Variants in NIBAN2 observed in about 807,000 individuals in gnomAD.
The protein encoded by NIBAN2 is protein Niban 2.
A neutral mutation model predicts 81.8 loss-of-function variants in NIBAN2; 36 were observed. The observed-to-expected ratio is 0.44, with a 90% CI of 0.34 to 0.58. The LOEUF (loss-of-function observed/expected upper bound fraction) is 0.58. Among genes scored for constraint, NIBAN2 ranks in the 20% least tolerant of loss-of-function variants. The probability of loss-of-function intolerance (pLI) is 0.02; values close to 1 mark genes in which losing one functional copy is unlikely to be tolerated. For synonymous variants in NIBAN2, 445 were observed against 441.6 expected (o/e 1.01, Z -0.10); for missense variants, 897 against 1,014.1 (o/e 0.88, Z 1.57).
intron 1 of NIBAN2, among the ~76,000 whole-genome samples, chr9:127,539,137 A>G (rs534511122): frequency 2.9e-4 from 44 of 152,184 alleles, no homozygotes; most frequent in African/African-American, 1.0e-3. Context: ...AATTTGGGTC[A>G]GTCAAAAAAA....
At chr9:127,556,301 G>T (rs1028128828) in intron 1 of NIBAN2, among the ~76,000 whole-genome samples, 1 of 151,946 alleles carries the variant, frequency 6.6e-6, no homozygotes, top group African/African-American at 2.4e-5. Flanking sequence ...ACAAGGGCAG[G>T]GGGTACGTCA....
intron 2 of NIBAN2, among the ~76,000 whole-genome samples, chr9:127,527,672 G>A (rs2298181): frequency 0.12 from 18,363 of 152,228 alleles, 1,557 homozygotes; most frequent in Admixed American, 0.28. Context: ...AAGGGTCTGG[G>A]GAGATGGTTG....
chr9:127,564,861 T>A (rs1400267269), intron 1 of NIBAN2, among the ~76,000 whole-genome samples: 1 of 132,330 alleles, frequency 7.6e-6, no homozygotes, highest in Non-Finnish European at 1.6e-5. Context: ...TGAGACGCCA[T>A]CTCAAAAAAA....
chr9:127,530,864 C>G (rs1280565479), intron 2 of NIBAN2, among the ~76,000 whole-genome samples: 4 of 152,156 alleles, frequency 2.6e-5, no homozygotes, highest in African/African-American at 9.7e-5. Context: ...ACAACACGAC[C>G]TGGGTTACCC....
chr9:127,533,276 G>A (rs1284921396), intron 1 of NIBAN2, among the ~76,000 whole-genome samples: 1 of 151,292 alleles, frequency 6.6e-6, no homozygotes. Flanking sequence ...CTAACACGGT[G>A]AAACCCTGTA....
chr9:127,575,286 T>C (rs1351585508), intron 1 of NIBAN2, among the ~76,000 whole-genome samples: 2 of 150,544 alleles, frequency 1.3e-5, no homozygotes, highest in Non-Finnish European at 2.9e-5. Context: ...TGGAGTGCAG[T>C]GGTGCGATCT....
chr9:127,543,694 T>C (rs1022148422), intron 1 of NIBAN2, among the ~76,000 whole-genome samples: 4 of 152,166 alleles, frequency 2.6e-5, no homozygotes, highest in Non-Finnish European at 5.9e-5. Flanking sequence ...TACCTCCACA[T>C]CTTCATCCAT....
intron 1 of NIBAN2, among the ~76,000 whole-genome samples, chr9:127,565,266 C>T (rs1013052330): frequency 1.3e-5 from 2 of 151,964 alleles, no homozygotes; most frequent in Non-Finnish European, 1.5e-5. Context: ...CTGGCCTGTG[C>T]ACACATTACT....
Position 127,517,981 on chromosome 9 carries a change from G to A in NIBAN2, c.590-40C>T. On this transcript the variant is annotated intron_variant, in intron 5 of 13. Transcript: ENST00000373312. The surrounding 1 kb of genome is among the most constrained non-coding windows in gnomAD (Gnocchi z 4.0). ...GAGGGAGAGAGGAGGTCAGCAGATG[G>A]CCCAGTGGCCTCTACCAAGACCAAC... is the stretch of plus-strand genomic sequence containing the variant. The A allele has an allele frequency of 7.3e-7, 1 of 1,374,010 alleles. No individual in the cohort carries two copies. The highest frequency in any genetic ancestry group is 1.0e-6 in the Non-Finnish European group (1 of 997,524). The allele number at this position is 1,374,010 out of a possible 1,614,324, so 85.1% of individuals were successfully genotyped here.
chr9:127,525,290 GA>G, intron 3 of NIBAN2, 127 bp from the exon 4 acceptor site: 1 of 584,922 alleles, frequency 1.7e-6, no homozygotes, highest in Non-Finnish European at 3.1e-6. Context: ...GAAGAGGCAA[GA>G]GAGGAACAGA....
At chr9:127,577,949 GGGA>G (rs2132250903) in intron 1 of NIBAN2, among the ~76,000 whole-genome samples, 1 of 152,172 alleles carries the variant, frequency 6.6e-6, no homozygotes, top group African/African-American at 2.4e-5. Flanking sequence ...TCAGCACTTT[GGGA>G]GGCTGAGGCA....
At chr9:127,566,559 C>T (rs1837862824) in intron 1 of NIBAN2, among the ~76,000 whole-genome samples, 1 of 152,194 alleles carries the variant, frequency 6.6e-6, no homozygotes, top group Non-Finnish European at 1.5e-5. Context: ...TGCAGGCAGG[C>T]TGGCATTCAC....
At chr9:127,539,517 G>A (rs975544001) in intron 1 of NIBAN2, among the ~76,000 whole-genome samples, 4 of 152,158 alleles carry the variant, frequency 2.6e-5, no homozygotes, top group Non-Finnish European at 5.9e-5. Context: ...GGCCCCTGTC[G>A]GGTCGGAGCT....
rs1039143679 is a variant in NIBAN2 at position 127,506,633 on chromosome 9, G to A, written c.*212C>T. 5.6e-5 allele frequency: 25 copies of A among 444,566 alleles called. No individual in the cohort carries two copies. Among genetic ancestry groups the A allele is most frequent in the Non-Finnish European group, 9.1e-5 (23 of 253,602 alleles). 27.5% of individuals were successfully genotyped at this position (444,566 alleles called of 1,614,324 possible). The stretch of plus-strand genomic sequence containing the variant: ...CCCCAAAACCAGCCCCTGCATCTGA[G>A]ATCATCCCACAGAAGAGAAAACAGG... On this transcript the variant is annotated 3_prime_UTR_variant, in exon 14 of 14. Coordinates refer to ENST00000373312, the MANE Select transcript of NIBAN2 (RefSeq NM_022833.4).
At chr9:127,560,562 G>C (rs1004999594) in intron 1 of NIBAN2, among the ~76,000 whole-genome samples, 6 of 152,082 alleles carry the variant, frequency 3.9e-5, no homozygotes, top group African/African-American at 1.2e-4. Context: ...GCCCACCCCA[G>C]GCCAGTCTCC....
At chr9:127,523,598 C>T in intron 5 of NIBAN2, 81 bp downstream of exon 5, 1 of 1,441,276 alleles carries the variant, frequency 6.9e-7, no homozygotes. Context: ...ACACCATAGT[C>T]AGCCACTAGG....
intron 1 of NIBAN2, among the ~76,000 whole-genome samples, chr9:127,575,371 G>T (rs1369611151): frequency 2.0e-5 from 3 of 151,666 alleles, no homozygotes; most frequent in Non-Finnish European, 4.4e-5. Flanking sequence ...GGGATTACAG[G>T]TTCCTGCCAC....
In NIBAN2 at chr9:127,517,203, AG is replaced by A; in HGVS notation, c.718del (p.Leu240TrpfsTer2). The A allele has an allele frequency of 6.2e-7, 1 of 1,613,794 alleles. No homozygotes were observed. The highest frequency in any genetic ancestry group is 2.2e-5 in the East Asian group (1 of 44,878). On this transcript the variant is annotated frameshift_variant, in exon 7 of 14. Coordinates refer to ENST00000373312, the MANE Select transcript of NIBAN2 (RefSeq NM_022833.4). LOFTEE classifies it high-confidence loss of function. The surrounding 1 kb of genome is among the most constrained non-coding windows in gnomAD (Gnocchi z 4.0). Reference sequence around the variant, plus strand: ...CTCAGGGCCCAGCTCCTCCATCACCAGGTTGCTCAGGATCTAGGTTGAGGAG... The same window carrying A: ...CTCAGGGCCCAGCTCCTCCATCACCAGTTGCTCAGGATCTAGGTTGAGGAG... ...CGNEVQILSNLVMEELGPELK... is the reference protein window; with the variant it reads ...CGNEVQILSNXVMEELGPELK...
chr9:127,533,522 A>G (rs1197761234), intron 1 of NIBAN2, among the ~76,000 whole-genome samples: 1 of 151,986 alleles, frequency 6.6e-6, no homozygotes, highest in Non-Finnish European at 1.5e-5. Context: ...ATTCCCAGCT[A>G]TTCAGGAGGC....
Sources: allele counts gnomAD v4.1 joint callset (sites outside exome capture counted in the v4.1 genomes callset), GRCh38; gene constraint gnomAD v4.1.1; non-coding constraint Gnocchi (gnomAD v3.1); transcripts MANE v1.5; gene names NCBI Gene and HGNC (gene_info 2026-07-23, HGNC 2026-07-21).